RAD54B: variants seen among roughly 807,000 people sequenced by gnomAD.
The protein encoded by RAD54B is DNA repair and recombination protein RAD54B.
RAD54B carries 78 observed loss-of-function variants against 95.8 expected under a neutral mutation model. That is an observed-to-expected ratio of 0.81 (90% CI 0.68 to 0.98). The LOEUF (loss-of-function observed/expected upper bound fraction) is 0.98. RAD54B is among the 50% of genes least tolerant of loss of function. The pLI is 0.00. For synonymous variants in RAD54B, 328 were observed against 354.9 expected, an observed-to-expected ratio of 0.92 and a Z score of 0.85; for missense variants, 957 against 1,056.6, an observed-to-expected ratio of 0.91 and a Z score of 1.31.
intron 2 of RAD54B, among the ~76,000 whole-genome samples, chr8:94,466,307 G>A (rs3133655): frequency 0.92 from 140,153 of 152,216 alleles, 64,681 homozygotes; most frequent in East Asian, 1. Flanking sequence ...TACTTTATAT[G>A]CCTTTCATAT....
At chr8:94,436,509 C>A (rs1318910164) in intron 3 of RAD54B, 11 of 1,547,294 alleles carry the variant, frequency 7.1e-6, no homozygotes, top group Non-Finnish European at 9.6e-6. Flanking sequence ...GTATGTGGTT[C>A]CTGTCTCTTA....
intron 3 of RAD54B, among the ~76,000 whole-genome samples, chr8:94,443,452 T>G (rs1812446993): frequency 1.3e-5 from 2 of 151,746 alleles, no homozygotes; most frequent in South Asian, 4.2e-4. Context: ...CCTGCATATG[T>G]ACCCCTGAAC....
At chr8:94,440,680 T>TG (rs1476917020) in intron 3 of RAD54B, among the ~76,000 whole-genome samples, 1 of 152,148 alleles carries the variant, frequency 6.6e-6, no homozygotes, top group African/African-American at 2.4e-5. Flanking sequence ...TGTGACCAAA[T>TG]GTGTGGGAGT....
At chr8:94,474,537 T>C (rs1813248436) in intron 1 of RAD54B, among the ~76,000 whole-genome samples, 1 of 152,022 alleles carries the variant, frequency 6.6e-6, no homozygotes, top group South Asian at 2.1e-4. Flanking sequence ...GATTAAAAGG[T>C]TTTAAGGAAA....
At chr8:94,423,122 G>A (rs947726624) in intron 3 of RAD54B, among the ~76,000 whole-genome samples, 1 of 151,832 alleles carries the variant, frequency 6.6e-6, no homozygotes, top group African/African-American at 2.4e-5. Context: ...GGTGGCTCAC[G>A]CCTGTAATCC....
chr8:94,442,395 A>AC (rs1323567596), intron 3 of RAD54B, among the ~76,000 whole-genome samples: 1 of 152,084 alleles, frequency 6.6e-6, no homozygotes, highest in Non-Finnish European at 1.5e-5. Flanking sequence ...ACATGGTGAA[A>AC]CCCCGTCTCT....
chr8:94,431,873 A>C, intron 3 of RAD54B: 2 of 1,151,800 alleles, frequency 1.7e-6, no homozygotes, highest in Non-Finnish European at 2.2e-6. Context: ...TAGTGATCAG[A>C]ATAAAATATC....
chr8:94,373,890 C>G (rs1395132889), intron 14 of RAD54B, among the ~76,000 whole-genome samples: 1 of 152,122 alleles, frequency 6.6e-6, no homozygotes, highest in African/African-American at 2.4e-5. Context: ...ATAAACACTT[C>G]TTTGAAATTT....
In RAD54B at chr8:94,386,975, C is replaced by G; in HGVS notation, c.1985+9G>C. 6.3e-7 allele frequency: 1 copy of G among 1,581,740 alleles called. No homozygotes were observed. Among genetic ancestry groups the G allele is most frequent in the Non-Finnish European group, 8.6e-7 (1 of 1,167,276 alleles). On this transcript the variant is annotated intron_variant, in intron 11 of 14. Transcript: ENST00000336148. ...ATGAGCACTTATAAGTTTGTTAAATCGATCTTACTTTTCAGTAGGTCGAAG... is the reference window on the plus strand; with the variant it reads ...ATGAGCACTTATAAGTTTGTTAAATGGATCTTACTTTTCAGTAGGTCGAAG...
chr8:94,408,540 T>C (rs1811449047), intron 4 of RAD54B, among the ~76,000 whole-genome samples: 1 of 152,168 alleles, frequency 6.6e-6, no homozygotes, highest in Admixed American at 6.5e-5. Flanking sequence ...TTAGAAAATA[T>C]GATGACCCTT....
chr8:94,398,402 A>C (rs185059743), intron 8 of RAD54B, among the ~76,000 whole-genome samples: 2 of 152,196 alleles, frequency 1.3e-5, no homozygotes, highest in Admixed American at 1.3e-4. Flanking sequence ...ACAGAAGAGG[A>C]GGAGTTTTCT....
At chr8:94,420,970 G>A (rs1351310098) in intron 3 of RAD54B, among the ~76,000 whole-genome samples, 3 of 149,418 alleles carry the variant, frequency 2.0e-5, no homozygotes, top group Non-Finnish European at 4.4e-5. Context: ...GGGCAATCAA[G>A]CGAGACTCAG....
At chr8:94,449,480 G>A (rs1053363907) in intron 3 of RAD54B, among the ~76,000 whole-genome samples, 5 of 151,846 alleles carry the variant, frequency 3.3e-5, no homozygotes, top group Admixed American at 1.3e-4. Flanking sequence ...GTGGTGGTGG[G>A]CACCTGTAAT....
chr8:94,419,482 T>C (rs985036859), intron 3 of RAD54B, among the ~76,000 whole-genome samples: 1 of 152,012 alleles, frequency 6.6e-6, no homozygotes, highest in Non-Finnish European at 1.5e-5. Context: ...CACTCTAGCC[T>C]GGGCAACAAG....
intron 3 of RAD54B, among the ~76,000 whole-genome samples, chr8:94,437,500 C>A (rs1473442392): frequency 6.6e-6 from 1 of 152,196 alleles, no homozygotes; most frequent in African/African-American, 2.4e-5. Context: ...CCAGACTCCA[C>A]AGTAAAGCTA....
At chr8:94,411,541 G>C (rs988247313) in intron 3 of RAD54B, among the ~76,000 whole-genome samples, 2 of 151,848 alleles carry the variant, frequency 1.3e-5, no homozygotes, top group African/African-American at 2.4e-5. Context: ...TTACTGTTCC[G>C]AAGTCAAATA....
chr8:94,458,457 T>C (rs755760652), intron 2 of RAD54B, 21 bp from the exon 3 acceptor site: 4 of 1,518,092 alleles, frequency 2.6e-6, no homozygotes, highest in East Asian at 4.7e-5. Flanking sequence ...CAAATATATA[T>C]TTAAATCAGA....
chr8:94,474,399 C>T (rs1305757375), intron 1 of RAD54B, among the ~76,000 whole-genome samples: 1 of 152,150 alleles, frequency 6.6e-6, no homozygotes, highest in African/African-American at 2.4e-5. Flanking sequence ...CAAAAGTAGG[C>T]TAGGCCAAGC....
chr8:94,425,922 T>G (rs1056246795), intron 3 of RAD54B, among the ~76,000 whole-genome samples: 12 of 152,154 alleles, frequency 7.9e-5, no homozygotes, highest in African/African-American at 2.9e-4. Flanking sequence ...CAATTTCACT[T>G]CTGACATTCC....
Sources: gnomAD v4.1 joint callset for allele counts (sites outside exome capture counted in the v4.1 genomes callset) on GRCh38, gnomAD v4.1.1 for gene constraint, MANE v1.5 for transcripts, NCBI Gene and HGNC (gene_info 2026-07-23, HGNC 2026-07-21) for gene names.